The following RTN4RL1 variants were observed in gnomAD, a reference collection of about 807,000 sequenced individuals.
RTN4RL1 encodes reticulon 4 receptor like 1.
Under a neutral mutation model 25.6 loss-of-function variants are expected in RTN4RL1, and 7 were observed. That is an observed-to-expected ratio of 0.27 (90% CI 0.16 to 0.51). The LOEUF (loss-of-function observed/expected upper bound fraction) is 0.51. Among genes scored for constraint, RTN4RL1 ranks in the 20% least tolerant of loss-of-function variants. RTN4RL1 has a pLI of 0.97. For synonymous variants in RTN4RL1, 297 were observed against 288.2 expected, an observed-to-expected ratio of 1.03 and a Z score of -0.31; for missense variants, 500 against 615.6, an observed-to-expected ratio of 0.81 and a Z score of 1.99.
intron 1 of RTN4RL1, among the ~76,000 whole-genome samples, chr17:1,992,136 G>A (rs534318262): frequency 3.3e-5 from 5 of 152,092 alleles, no homozygotes; most frequent in Non-Finnish European, 7.4e-5. Context: ...AGGCCGCGGC[G>A]GGTGGATGAC....
intron 1 of RTN4RL1, among the ~76,000 whole-genome samples, chr17:2,002,336 A>G (rs1470135148): frequency 3.4e-5 from 5 of 146,734 alleles, no homozygotes; most frequent in Non-Finnish European, 4.5e-5. Context: ...TCTGTCGCCC[A>G]GGCTGGAGTG....
At chr17:1,979,577 G>A (rs1237091860) in intron 1 of RTN4RL1, among the ~76,000 whole-genome samples, 2 of 152,194 alleles carry the variant, frequency 1.3e-5, no homozygotes, top group East Asian at 3.8e-4. Context: ...CTGCCCAACT[G>A]ACTCACCCTG....
chr17:1,983,591 G>A lies in RTN4RL1; in HGVS notation c.13+41262C>T, dbSNP rs115092737. On this transcript the variant is annotated intron_variant, in intron 1 of 1. Coordinates refer to ENST00000331238, the MANE Select transcript of RTN4RL1 (RefSeq NM_178568.4). ...CAGCTTCTATTTTTTCTGTAGAGAC[G>A]GGGTCTTACCAGGTGTGTCCAGGAT... 5.6e-3 allele frequency among the ~76,000 whole-genome samples: 845 copies of A among 152,060 alleles called. 5 individuals carry two copies. The highest frequency in any genetic ancestry group is 0.019 in the African/African-American group (800 of 41,450).
chr17:1,988,306 G>A (rs866468064), intron 1 of RTN4RL1, among the ~76,000 whole-genome samples: 9 of 150,506 alleles, frequency 6.0e-5, no homozygotes, highest in South Asian at 4.2e-4. Context: ...TCAGGAGGCT[G>A]AGGCAGGAGA....
chr17:1,964,838 G>T (rs1424600491), intron 1 of RTN4RL1, among the ~76,000 whole-genome samples: 2 of 140,540 alleles, frequency 1.4e-5, no homozygotes, highest in Admixed American at 7.5e-5. Flanking sequence ...ACCAAGGCTG[G>T]AGTGCAGTGG....
intron 1 of RTN4RL1, among the ~76,000 whole-genome samples, chr17:1,948,094 G>A (rs986931097): frequency 9.2e-5 from 14 of 152,296 alleles, no homozygotes; most frequent in Admixed American, 2.0e-4. Context: ...CACCCAACCC[G>A]CCGCAGAAAG....
At chr17:2,015,849 G>C (rs8076614) in intron 1 of RTN4RL1, among the ~76,000 whole-genome samples, 159 of 152,264 alleles carry the variant, frequency 1.0e-3, no homozygotes, top group Middle Eastern at 3.4e-3. Flanking sequence ...CAAACCCCTC[G>C]CCCTGTGGAC....
chr17:1,967,091 G>C (rs1411702570), intron 1 of RTN4RL1, among the ~76,000 whole-genome samples: 1 of 151,466 alleles, frequency 6.6e-6, no homozygotes, highest in Admixed American at 6.6e-5. Flanking sequence ...CAGGGAGGTG[G>C]TACAGGTGGC....
intron 1 of RTN4RL1, among the ~76,000 whole-genome samples, chr17:2,006,739 GCCT>G (rs1415722496): frequency 6.6e-6 from 1 of 152,240 alleles, no homozygotes; most frequent in African/African-American, 2.4e-5. Context: ...TTGTCCCTCG[GCCT>G]CCTGAGTAGC....
intron 1 of RTN4RL1, among the ~76,000 whole-genome samples, chr17:1,940,739 T>C (rs566079330): frequency 6.6e-6 from 1 of 152,118 alleles, no homozygotes; most frequent in African/African-American, 2.4e-5. Flanking sequence ...TCCTCACCCC[T>C]CCTCGGGCTG....
intron 1 of RTN4RL1, among the ~76,000 whole-genome samples, chr17:2,006,303 G>A (rs1039806782): frequency 7.9e-5 from 12 of 151,482 alleles, no homozygotes; most frequent in East Asian, 3.9e-4. Context: ...GATTACAGGC[G>A]CGCGCCACCA....
intron 1 of RTN4RL1, among the ~76,000 whole-genome samples, chr17:1,997,479 G>A (rs1174060869): frequency 1.3e-5 from 2 of 152,192 alleles, no homozygotes; most frequent in Admixed American, 6.5e-5. Flanking sequence ...GTCGCTCTCT[G>A]GAATGCGATC....
In RTN4RL1 at chr17:1,937,590, T is replaced by C. The variant is rs1375042415; in HGVS notation, c.232A>G (p.Met78Val). ...TTCGAGTAGATCCACAGGGTGACCA[T>C]GGCGGGGCTGAAGTGGCCGGGCTGG... ...LLQPGHFSPA[M>V]VTLWIYSNNI... Residue 78 changes from methionine to valine, a missense_variant, in exon 2 of 2, where the codon ATG becomes GTG. Transcript: ENST00000331238. 1.2e-6 allele frequency: 2 copies of C among 1,613,870 alleles called. No individual in the cohort carries two copies. The highest frequency in any genetic ancestry group is 1.7e-6 in the Non-Finnish European group (2 of 1,179,802).
chr17:2,010,317 A>T (rs995131623), intron 1 of RTN4RL1, among the ~76,000 whole-genome samples: 47 of 151,766 alleles, frequency 3.1e-4, no homozygotes, highest in African/African-American at 6.3e-4. Context: ...ATAATAATAA[A>T]AAATAAAAAA....
intron 1 of RTN4RL1, among the ~76,000 whole-genome samples, chr17:2,006,779 C>G (rs1212289629): frequency 6.6e-6 from 1 of 152,150 alleles, no homozygotes; most frequent in Non-Finnish European, 1.5e-5. Flanking sequence ...TGCCATGATG[C>G]CTGGCTAATT....
intron 1 of RTN4RL1, among the ~76,000 whole-genome samples, chr17:2,007,179 C>G (rs1220311421): frequency 2.0e-5 from 3 of 152,084 alleles, no homozygotes; most frequent in Non-Finnish European, 4.4e-5. Context: ...TGGCCCAAAT[C>G]AGAAGCAAGG....
chr17:1,935,058 C>T lies in RTN4RL1; in HGVS notation c.*1438G>A, dbSNP rs9818. 0.35 allele frequency: 53,351 copies of T among 152,490 alleles called. 10,027 individuals carry two copies. Among genetic ancestry groups the T allele is most frequent in the African/African-American group, 0.49 (20,184 of 41,528 alleles). 9.4% of individuals were successfully genotyped at this position (152,490 alleles called of 1,614,324 possible). A position where few individuals can be genotyped will look rare whatever the true frequency, so the allele number is the denominator to read the frequency against. On this transcript the variant is annotated 3_prime_UTR_variant, in exon 2 of 2. Transcript: ENST00000331238. ...CCCCGACGCCTCCCTCCTGCTGTCC[C>T]ACACAGGGCCCTTGCTGGGTCACAC...
At position 1,988,446 on chromosome 17, in the gene RTN4RL1, T is replaced by G. The variant is rs112740268; in HGVS notation, c.13+36407A>C. On this transcript the variant is annotated intron_variant, in intron 1 of 1. Coordinates refer to ENST00000331238, the MANE Select transcript of RTN4RL1 (RefSeq NM_178568.4). ...AGAAAAGAAAAGAAGGAGCCACGAA[T>G]ATGTTCAGTATTTTGTATTTACTGT... Among the ~76,000 whole-genome samples, 1,003 of 130,096 alleles carry G rather than the reference T, an allele frequency of 7.7e-3. 22 individuals are homozygous for G. Among genetic ancestry groups the G allele is most frequent in the African/African-American group, 0.028 (959 of 34,422 alleles). 85.3% of individuals were successfully genotyped at this position (130,096 alleles called of 152,430 possible). A position where few individuals can be genotyped will look rare whatever the true frequency, so the allele number is the denominator to read the frequency against.
At chr17:1,997,804 G>A (rs1334858892) in intron 1 of RTN4RL1, among the ~76,000 whole-genome samples, 4 of 152,202 alleles carry the variant, frequency 2.6e-5, no homozygotes, top group African/African-American at 9.6e-5. Flanking sequence ...GGGCTGGGAG[G>A]TCCCCGCCCC....
Sources: gnomAD v4.1 joint callset for allele counts (sites outside exome capture counted in the v4.1 genomes callset) on GRCh38, gnomAD v4.1.1 for gene constraint, MANE v1.5 for transcripts, NCBI Gene and HGNC (gene_info 2026-07-23, HGNC 2026-07-21) for gene names.